DLG2: variants seen among roughly 807,000 people sequenced by gnomAD.
DLG2 encodes the protein disks large homolog 2.
A neutral mutation model predicts 132.5 loss-of-function variants in DLG2; 45 were observed. The ratio of observed to expected loss-of-function variants is 0.34; its 90% CI spans 0.27 to 0.44. The LOEUF (loss-of-function observed/expected upper bound fraction) is 0.44. Among genes scored for constraint, DLG2 ranks in the 20% least tolerant of loss-of-function variants. DLG2 has a pLI of 1.00. For synonymous variants in DLG2, 424 were observed against 419.6 expected, an observed-to-expected ratio of 1.01 and a Z score of -0.13; for missense variants, 1,045 against 1,196.9, an observed-to-expected ratio of 0.87 and a Z score of 1.87.
intron 18 of DLG2, among the ~76,000 whole-genome samples, chr11:83,737,403 T>C (rs1310197952): frequency 6.6e-6 from 1 of 152,228 alleles, no homozygotes; most frequent in Non-Finnish European, 1.5e-5. Flanking sequence ...TGAACTTTCA[T>C]ATTGATTGGT....
intron 9 of DLG2, among the ~76,000 whole-genome samples, chr11:84,150,662 G>A (rs2095265478): frequency 6.6e-6 from 1 of 152,112 alleles, no homozygotes; most frequent in South Asian, 2.1e-4. Context: ...TGTAAGAGTG[G>A]TGAGAGTGGG....
At chr11:84,866,359 G>T (rs1384931312) in intron 6 of DLG2, among the ~76,000 whole-genome samples, 1 of 152,172 alleles carries the variant, frequency 6.6e-6, no homozygotes, top group Non-Finnish European at 1.5e-5. Context: ...CAAAGCCAGA[G>T]CCAGATTCTC....
chr11:84,595,612 C>G (rs115188439), intron 6 of DLG2, among the ~76,000 whole-genome samples: 2 of 152,066 alleles, frequency 1.3e-5, no homozygotes, highest in East Asian at 3.9e-4. Flanking sequence ...ACAGATTTTG[C>G]GGAGAAAACA....
At chr11:84,449,465 C>T (rs2154480591) in intron 7 of DLG2, among the ~76,000 whole-genome samples, 2 of 151,698 alleles carry the variant, frequency 1.3e-5, no homozygotes, top group South Asian at 4.2e-4. Context: ...GGTGTAATAG[C>T]ATCATCTTGT....
chr11:85,316,133 T>A (rs1486281463), intron 3 of DLG2, among the ~76,000 whole-genome samples: 2 of 151,898 alleles, frequency 1.3e-5, no homozygotes, highest in Non-Finnish European at 2.9e-5. Flanking sequence ...TTTTTTTTTT[T>A]AAAGAATGTG....
At chr11:85,426,751 C>G (rs1388603288) in intron 3 of DLG2, among the ~76,000 whole-genome samples, 2 of 152,174 alleles carry the variant, frequency 1.3e-5, no homozygotes, top group Non-Finnish European at 2.9e-5. Flanking sequence ...CAGCTCCACA[C>G]CAGCAATGGA....
intron 8 of DLG2, among the ~76,000 whole-genome samples, chr11:84,164,100 G>A (rs2095608812): frequency 1.3e-5 from 2 of 152,112 alleles, no homozygotes; most frequent in East Asian, 1.9e-4. Context: ...AGTAAGAAAT[G>A]AGCAAAGTAA....
chr11:83,968,406 T>C (rs1207172213), intron 12 of DLG2, among the ~76,000 whole-genome samples: 2 of 152,148 alleles, frequency 1.3e-5, no homozygotes, highest in East Asian at 3.8e-4. Context: ...ATAAGACATG[T>C]TCCCTTAAAT....
chr11:85,050,982 A>G (rs1457385538), intron 6 of DLG2, among the ~76,000 whole-genome samples: 1 of 152,150 alleles, frequency 6.6e-6, no homozygotes, highest in Non-Finnish European at 1.5e-5. Flanking sequence ...GGCATCATTA[A>G]TGCCACAATG....
At chr11:84,748,965 T>A (rs1201440669) in intron 6 of DLG2, among the ~76,000 whole-genome samples, 1 of 152,122 alleles carries the variant, frequency 6.6e-6, no homozygotes, top group African/African-American at 2.4e-5. Flanking sequence ...GGACCAAAAT[T>A]TGAGACCAGC....
chr11:83,976,512 G>A (rs1378229466), intron 12 of DLG2, among the ~76,000 whole-genome samples: 3 of 151,786 alleles, frequency 2.0e-5, no homozygotes, highest in African/African-American at 7.3e-5. Flanking sequence ...GAGAAGAGGA[G>A]GTAGAAAGGA....
chr11:84,757,971 C>A (rs555270696), intron 6 of DLG2, among the ~76,000 whole-genome samples: 1 of 152,292 alleles, frequency 6.6e-6, no homozygotes, highest in East Asian at 1.9e-4. Context: ...CAACTAAAAT[C>A]ATAGAGCCTC....
chr11:85,238,404 T>C (rs2075709151), intron 4 of DLG2, among the ~76,000 whole-genome samples: 1 of 151,460 alleles, frequency 6.6e-6, no homozygotes, highest in African/African-American at 2.4e-5. Context: ...CCACCACACC[T>C]GGCTATTTTT....
intron 6 of DLG2, among the ~76,000 whole-genome samples, chr11:85,093,335 A>C (rs145250936): frequency 2.0e-4 from 30 of 151,852 alleles, no homozygotes; most frequent in African/African-American, 6.5e-4. Context: ...TTTTGTGTGC[A>C]TTTTCACTTC....
chr11:84,879,249 C>T (rs1423021281), intron 6 of DLG2, among the ~76,000 whole-genome samples: 1 of 152,078 alleles, frequency 6.6e-6, no homozygotes, highest in East Asian at 1.9e-4. Context: ...ACCTACTGCT[C>T]ACAAACAGGA....
intron 2 of DLG2, among the ~76,000 whole-genome samples, chr11:85,609,435 C>G (rs138083255): frequency 0.036 from 5,542 of 152,300 alleles, 155 homozygotes; most frequent in Admixed American, 0.053. Flanking sequence ...CAGCCTTAGT[C>G]ATGGCCCTCA....
At chr11:84,069,334 C>T (rs1306982508) in intron 10 of DLG2, among the ~76,000 whole-genome samples, 1 of 152,180 alleles carries the variant, frequency 6.6e-6, no homozygotes, top group African/African-American at 2.4e-5. Flanking sequence ...GTCCTGAGCT[C>T]TGACTCCAAA....
intron 9 of DLG2, among the ~76,000 whole-genome samples, chr11:84,150,509 T>C (rs1447265388): frequency 6.6e-6 from 1 of 152,180 alleles, no homozygotes; most frequent in Admixed American, 6.5e-5. Context: ...AAACATAGTA[T>C]TTTATACTCT....
chr11:83,669,525 A>G (rs2153571054), intron 18 of DLG2, among the ~76,000 whole-genome samples: 1 of 152,324 alleles, frequency 6.6e-6, no homozygotes, highest in East Asian at 1.9e-4. Context: ...TCTTATAAAC[A>G]GAAGGATCCC....
Sources: allele counts gnomAD v4.1 joint callset (sites outside exome capture counted in the v4.1 genomes callset), GRCh38; gene constraint gnomAD v4.1.1; transcripts MANE v1.5; gene names NCBI Gene and HGNC (gene_info 2026-07-23, HGNC 2026-07-21).